The following APP variants were observed in gnomAD, a reference collection of about 807,000 sequenced individuals.
APP encodes amyloid-beta precursor protein.
A neutral mutation model predicts 101.4 loss-of-function variants in APP; 31 were observed. The observed-to-expected ratio is 0.31, with a 90% CI of 0.23 to 0.41. The LOEUF is 0.41. Among genes scored for constraint, APP ranks in the 10% least tolerant of loss-of-function variants. The pLI, the probability that APP is intolerant of heterozygous loss-of-function variation, is 1.00. For missense variants in APP, 839 were observed against 1,003.7 expected (o/e 0.84, Z 2.22); for synonymous variants, 366 against 364.4 (o/e 1.00, Z -0.05).
intron 13 of APP, chr21:25,934,236 T>C (rs1180976475): frequency 1.3e-5 from 2 of 151,972 alleles, no homozygotes; most frequent in Non-Finnish European, 2.9e-5. Context: ...AGTGTGGCCC[T>C]GGCAACACCT....
chr21:26,133,017 C>T (rs533098230), intron 1 of APP, among the ~76,000 whole-genome samples: 3 of 151,776 alleles, frequency 2.0e-5, no homozygotes, highest in African/African-American at 4.8e-5. Context: ...GTGGGTAGAT[C>T]CCTGAGCTCA....
intron 1 of APP, among the ~76,000 whole-genome samples, chr21:26,147,344 T>C (rs1048448365): frequency 1.3e-5 from 2 of 152,210 alleles, no homozygotes; most frequent in Non-Finnish European, 2.9e-5. Context: ...GCATATAATG[T>C]TAAAGAATTC....
chr21:25,910,591 A>C (rs183588923), intron 14 of APP, among the ~76,000 whole-genome samples: 1 of 152,318 alleles, frequency 6.6e-6, no homozygotes, highest in African/African-American at 2.4e-5. Context: ...GAAAAAGATA[A>C]AAGAAGCTGA....
intron 13 of APP, among the ~76,000 whole-genome samples, chr21:25,952,889 T>C (rs1381825817): frequency 6.6e-6 from 1 of 152,218 alleles, no homozygotes; most frequent in Non-Finnish European, 1.5e-5. Flanking sequence ...TTTTAAAGGT[T>C]CCTTACTGAT....
rs541374184 is a variant in APP at position 25,911,825 on chromosome 21, C to T, written c.1825G>A (p.Val609Met). The T allele has an allele frequency of 1.1e-5, 18 of 1,614,168 alleles. No individual in the cohort carries two copies. Among genetic ancestry groups the T allele is most frequent in the Admixed American group, 6.7e-5 (4 of 60,026 alleles). The change falls in exon 14 of 18, where the codon GTG becomes ATG. Residue 609 changes from valine to methionine, a missense_variant. By Grantham distance (21) the Val-to-Met change is conservative (BLOSUM62 1). Transcript: ENST00000346798. Reference protein sequence around the residue: ...ETKTTVELLPVNGEFSLDDLQ... With the variant: ...ETKTTVELLPMNGEFSLDDLQ... Reference sequence around the variant, plus strand: ...TCGTCCAGGCTGAACTCTCCATTCACGGGAAGGAGCTCCACGGTGGTTTTC... The same window carrying T: ...TCGTCCAGGCTGAACTCTCCATTCATGGGAAGGAGCTCCACGGTGGTTTTC...
chr21:25,881,351 T>G lies in APP; in HGVS notation c.*319A>C. On this transcript the variant is annotated 3_prime_UTR_variant, in exon 18 of 18. Coordinates refer to ENST00000346798, the MANE Select transcript of APP (RefSeq NM_000484.4). ...ACCACAAGAATAATATACAACTGGCTAAGGGGCTATGTGATAAATAATCAG... is the reference window on the plus strand; with the variant it reads ...ACCACAAGAATAATATACAACTGGCGAAGGGGCTATGTGATAAATAATCAG... The G allele has an allele frequency of 2.4e-6, 1 of 409,144 alleles. No homozygotes were observed. Among genetic ancestry groups the G allele is most frequent in the South Asian group, 2.3e-5 (1 of 43,860 alleles). The allele number at this position is 409,144 out of a possible 1,614,324, so 25.3% of individuals were successfully genotyped here. A position where few individuals can be genotyped will look rare whatever the true frequency, so the allele number is the denominator to read the frequency against.
Position 26,096,076 on chromosome 21 carries a change from G to A in APP, c.226-6004C>T, listed in dbSNP as rs139444496. Among the ~76,000 whole-genome samples, 385 of 152,186 alleles carry A rather than the reference G, an allele frequency of 2.5e-3. 1 individual carries two copies. The highest frequency in any genetic ancestry group is 8.2e-3 in the African/African-American group (340 of 41,526). On this transcript the variant is annotated intron_variant, in intron 2 of 17. Transcript: ENST00000346798. ...CACAGAGCATTTGCTGTATAAATAC[G>A]TACACTGTGTTCCAAACACACTCTT... is the stretch of plus-strand genomic sequence containing the variant.
chr21:25,965,007 A>G (rs560545014), intron 11 of APP, among the ~76,000 whole-genome samples: 35 of 152,342 alleles, frequency 2.3e-4, no homozygotes, highest in African/African-American at 7.7e-4. Flanking sequence ...AAATTAGTGA[A>G]GGCAGCATAT....
chr21:25,892,523 C>T (rs1026159972), intron 16 of APP, among the ~76,000 whole-genome samples: 17 of 140,408 alleles, frequency 1.2e-4, no homozygotes, highest in African/African-American at 4.1e-4. Context: ...CAGTGTAATG[C>T]TTTTTAAAGC....
In APP at chr21:25,955,665, T is replaced by A. The variant is rs1257288749; in HGVS notation, c.1549A>T (p.Met517Leu). The stretch of plus-strand genomic sequence containing the variant: ...TGAGCGGCTTTCTTGGGATCCACCA[T>A]GCGCACATGCTCGAAATGCTTTAGG... ...HTLKHFEHVR[M>L]VDPKKAAQIR... The change falls in exon 12 of 18, where the codon ATG becomes TTG. Residue 517 changes from methionine (M) to leucine (L), a missense_variant. Coordinates refer to ENST00000346798, the MANE Select transcript of APP (RefSeq NM_000484.4). 6 of 1,614,220 alleles carry A rather than the reference T, an allele frequency of 3.7e-6. No individual in the cohort carries two copies. Among genetic ancestry groups the A allele is most frequent in the Non-Finnish European group, 5.1e-6 (6 of 1,180,036 alleles).
rs990803898 is a variant in APP, at chr21:26,057,286, C to T, written c.356-3938G>A. Among the ~76,000 whole-genome samples the T allele has an allele frequency of 5.9e-5, 9 of 152,150 alleles. 1 individual carries two copies. The South Asian group carries it at 1.7e-3, about 28-fold the overall frequency. On this transcript the variant is annotated intron_variant, in intron 3 of 17. Transcript: ENST00000346798. ...GAATTCTGATGTAAGAGATCAAAGACTAAAACAAATTAAACATCATAATGA... is the reference window on the plus strand; with the variant it reads ...GAATTCTGATGTAAGAGATCAAAGATTAAAACAAATTAAACATCATAATGA...
At chr21:25,961,190 C>T (rs2041564716) in intron 11 of APP, among the ~76,000 whole-genome samples, 1 of 152,180 alleles carries the variant, frequency 6.6e-6, no homozygotes, top group Non-Finnish European at 1.5e-5. Context: ...TAGAAGGCCC[C>T]TCCCCACTTC....
rs1273283293 is a variant in APP at position 26,136,207 on chromosome 21, A to AAAGAAAGAAAG, written c.58-24062_58-24061insCTTTCTTTCTT. ...AAAGAAAGAAAGAAAGAAAGAAAAG[A>AAAGAAAGAAAG]AAAGAAAGAAAAGAAATAGTTTTGT... is the stretch of plus-strand genomic sequence containing the variant. On this transcript the variant is annotated intron_variant, in intron 1 of 17. Transcript: ENST00000346798. Among the ~76,000 whole-genome samples, 536 of 137,402 alleles carry AAAGAAAGAAAG rather than the reference A, an allele frequency of 3.9e-3. 7 individuals are homozygous for AAAGAAAGAAAG. The highest frequency in any genetic ancestry group is 0.014 in the African/African-American group (485 of 33,814). 90.1% of individuals were successfully genotyped at this position (137,402 alleles called of 152,430 possible). A position where few individuals can be genotyped will look rare whatever the true frequency, so the allele number is the denominator to read the frequency against.
chr21:26,114,712 G>A (rs1352005559), intron 1 of APP, among the ~76,000 whole-genome samples: 1 of 151,766 alleles, frequency 6.6e-6, no homozygotes, highest in Non-Finnish European at 1.5e-5. Flanking sequence ...TTCCTCTTTT[G>A]ACTTAACTTC....
chr21:25,890,720 C>CT (rs2037635021), intron 17 of APP, among the ~76,000 whole-genome samples: 1 of 17,880 alleles, frequency 5.6e-5, no homozygotes, highest in Non-Finnish European at 1.2e-4. Context: ...GCGAGACTGT[C>CT]TCAAAAAAAA....
intron 13 of APP, 103 bp from the exon 14 acceptor site, chr21:25,912,065 T>A (rs2039104185): frequency 1.2e-6 from 1 of 865,278 alleles, no homozygotes; most frequent in Non-Finnish European, 1.9e-6. Flanking sequence ...TCAACTGCTT[T>A]CACGTGCATG....
intron 5 of APP, among the ~76,000 whole-genome samples, chr21:26,038,886 T>C (rs2045247791): frequency 6.6e-6 from 1 of 152,232 alleles, no homozygotes; most frequent in African/African-American, 2.4e-5. Context: ...TTAGTCGTTT[T>C]GGAAGCAAAT....
At chr21:26,055,504 T>C (rs2046004583) in intron 3 of APP, among the ~76,000 whole-genome samples, 1 of 152,124 alleles carries the variant, frequency 6.6e-6, no homozygotes, top group South Asian at 2.1e-4. Flanking sequence ...AAATACACCA[T>C]TCCCAGGTGG....
At chr21:26,038,298 T>C (rs918029077) in intron 5 of APP, among the ~76,000 whole-genome samples, 2 of 152,188 alleles carry the variant, frequency 1.3e-5, no homozygotes. Flanking sequence ...CGTATTATTA[T>C]TGATTATGAT....
Sources: allele counts gnomAD v4.1 joint callset (sites outside exome capture counted in the v4.1 genomes callset), GRCh38; gene constraint gnomAD v4.1.1; transcripts MANE v1.5; gene names NCBI Gene and HGNC (gene_info 2026-07-23, HGNC 2026-07-21).